The following HCN1 variants were observed in gnomAD, a reference collection of about 807,000 sequenced individuals.
HCN1 encodes the protein potassium/sodium hyperpolarization-activated cyclic nucleotide-gated channel 1.
HCN1 carries 13 observed loss-of-function variants against 78.9 expected under a neutral mutation model. That is an observed-to-expected ratio of 0.16 (90% CI 0.11 to 0.26). The LOEUF (loss-of-function observed/expected upper bound fraction) is 0.26. Among genes scored for constraint, HCN1 ranks in the 10% least tolerant of loss-of-function variants. HCN1 has a pLI of 1.00. For synonymous variants in HCN1, 552 were observed against 455.5 expected, an observed-to-expected ratio of 1.21 and a Z score of -2.70; for missense variants, 810 against 1,154.3, an observed-to-expected ratio of 0.70 and a Z score of 4.32.
At chr5:45,438,325 G>A (rs1740600326) in intron 3 of HCN1, among the ~76,000 whole-genome samples, 1 of 152,112 alleles carries the variant, frequency 6.6e-6, no homozygotes, top group South Asian at 2.1e-4. Flanking sequence ...CTTGAGGTAG[G>A]GAATTAAAAA....
At chr5:45,583,894 C>G (rs554318793) in intron 2 of HCN1, among the ~76,000 whole-genome samples, 2 of 152,162 alleles carry the variant, frequency 1.3e-5, no homozygotes, top group Admixed American at 1.3e-4. Flanking sequence ...GTCTGAGAAA[C>G]AGTTTGTTAT....
intron 2 of HCN1, among the ~76,000 whole-genome samples, chr5:45,596,168 G>C (rs1370186848): frequency 2.6e-5 from 4 of 152,002 alleles, no homozygotes; most frequent in Non-Finnish European, 5.9e-5. Context: ...AAAGTGCTGG[G>C]ATTACAGGCA....
intron 2 of HCN1, among the ~76,000 whole-genome samples, chr5:45,562,454 T>C (rs1370862880): frequency 6.6e-6 from 1 of 152,094 alleles, no homozygotes; most frequent in Non-Finnish European, 1.5e-5. Flanking sequence ...GGAGGATCAC[T>C]TGAGCCCAGC....
chr5:45,396,422 T>C, intron 4 of HCN1, 70 bp downstream of exon 4: 1 of 1,222,746 alleles, frequency 8.2e-7, no homozygotes, highest in Non-Finnish European at 1.2e-6. Flanking sequence ...TGTAGTTATC[T>C]TGAACACAAT....
chr5:45,596,866 A>G (rs565937154), intron 2 of HCN1, among the ~76,000 whole-genome samples: 2 of 152,192 alleles, frequency 1.3e-5, no homozygotes, highest in Non-Finnish European at 2.9e-5. Context: ...AATTAGAAGA[A>G]TATCTTAAGT....
intron 2 of HCN1, among the ~76,000 whole-genome samples, chr5:45,551,038 C>A (rs1357880144): frequency 2.6e-5 from 4 of 151,934 alleles, no homozygotes; most frequent in African/African-American, 9.7e-5. Context: ...GCATACAGAT[C>A]TTAATAATTC....
chr5:45,318,433 A>G (rs953614075), intron 5 of HCN1, among the ~76,000 whole-genome samples: 1 of 152,028 alleles, frequency 6.6e-6, no homozygotes, highest in Non-Finnish European at 1.5e-5. Flanking sequence ...GGAGGGAGGA[A>G]GGATAGCATT....
intron 5 of HCN1, among the ~76,000 whole-genome samples, chr5:45,326,148 T>C (rs1746229561): frequency 1.3e-5 from 2 of 151,570 alleles, no homozygotes; most frequent in South Asian, 4.1e-4. Flanking sequence ...AAATTACATA[T>C]ACATTTATAT....
chr5:45,672,671 A>C (rs552891822), intron 1 of HCN1, among the ~76,000 whole-genome samples: 3 of 151,420 alleles, frequency 2.0e-5, no homozygotes, highest in Non-Finnish European at 4.4e-5. Context: ...AATGCAAATG[A>C]TGTCATAAAA....
At chr5:45,375,454 T>C (rs1291814375) in intron 4 of HCN1, among the ~76,000 whole-genome samples, 1 of 110,454 alleles carries the variant, frequency 9.1e-6, no homozygotes, top group East Asian at 2.5e-4. Context: ...TCATATTTTA[T>C]GATACATATG....
chr5:45,281,155 CA>C (rs1167040445), intron 6 of HCN1, among the ~76,000 whole-genome samples: 1 of 152,118 alleles, frequency 6.6e-6, no homozygotes, highest in African/African-American at 2.4e-5. Flanking sequence ...TCTGTGTCCC[CA>C]CCCAAATCTC....
At chr5:45,322,923 A>G (rs1166110051) in intron 5 of HCN1, among the ~76,000 whole-genome samples, 2 of 151,834 alleles carry the variant, frequency 1.3e-5, no homozygotes, top group Non-Finnish European at 2.9e-5. Flanking sequence ...TCCTTGAGCA[A>G]CCTTGTCTGA....
intron 1 of HCN1, among the ~76,000 whole-genome samples, chr5:45,693,412 A>C (rs899493128): frequency 5.9e-5 from 9 of 152,136 alleles, no homozygotes; most frequent in Non-Finnish European, 1.2e-4. Flanking sequence ...AAATAATGAT[A>C]ATTGCTTAAT....
intron 2 of HCN1, among the ~76,000 whole-genome samples, chr5:45,511,252 T>C (rs543437228): frequency 6.6e-6 from 1 of 151,968 alleles, no homozygotes; most frequent in Admixed American, 6.6e-5. Context: ...AAATAAATGA[T>C]TGAATCAAGA....
chr5:45,428,140 T>G (rs943846070), intron 3 of HCN1, among the ~76,000 whole-genome samples: 22 of 152,044 alleles, frequency 1.4e-4, no homozygotes, highest in African/African-American at 5.1e-4. Flanking sequence ...TTAAAAGAAT[T>G]AAATAAGATA....
chr5:45,578,084 A>AT (rs1743985864), intron 2 of HCN1, among the ~76,000 whole-genome samples: 1 of 151,990 alleles, frequency 6.6e-6, no homozygotes, highest in African/African-American at 2.4e-5. Flanking sequence ...GAGGAAGGAT[A>AT]TTTTTGTCAC....
intron 2 of HCN1, among the ~76,000 whole-genome samples, chr5:45,621,239 A>G (rs1745055223): frequency 6.6e-6 from 1 of 152,162 alleles, no homozygotes; most frequent in Admixed American, 6.5e-5. Context: ...TGCTTCTAGC[A>G]ATCTTTATTC....
At chr5:45,557,291 G>C (rs181385403) in intron 2 of HCN1, among the ~76,000 whole-genome samples, 1 of 151,814 alleles carries the variant, frequency 6.6e-6, no homozygotes, top group East Asian at 1.9e-4. Context: ...AATTCTCAAC[G>C]GTTCTCGTCA....
chr5:45,583,859 T>G (rs1303139241), intron 2 of HCN1, among the ~76,000 whole-genome samples: 1 of 152,166 alleles, frequency 6.6e-6, no homozygotes, highest in African/African-American at 2.4e-5. Context: ...TAATCCTGAG[T>G]TCTAGTTTGA....
Sources: allele counts gnomAD v4.1 joint callset (sites outside exome capture counted in the v4.1 genomes callset), GRCh38; gene constraint gnomAD v4.1.1; transcripts MANE v1.5; gene names NCBI Gene and HGNC (gene_info 2026-07-23, HGNC 2026-07-21).